ACE: variants seen among roughly 807,000 people sequenced by gnomAD.
The protein encoded by ACE is angiotensin I converting enzyme, also known as angiotensin-converting enzyme.
ACE carries 122 observed loss-of-function variants against 162.3 expected under a neutral mutation model. The ratio of observed to expected loss-of-function variants is 0.75; its 90% CI spans 0.65 to 0.87. ACE has a LOEUF of 0.87. Ranked by LOEUF, ACE falls within the 40% of genes least tolerant of loss-of-function variation. The pLI, the probability that ACE is intolerant of heterozygous loss-of-function variation, is 0.00. For missense variants in ACE, 1,799 were observed against 1,735.1 expected, an observed-to-expected ratio of 1.04 and a Z score of -0.65; for synonymous variants, 796 against 720.6, an observed-to-expected ratio of 1.10 and a Z score of -1.68.
At position 63,491,445 on chromosome 17, in the gene ACE, A is replaced by G; in HGVS notation, c.2912+64A>G. On this transcript the variant is annotated intron_variant, in intron 19 of 24. Transcript: ENST00000290866. This position sits in a 1 kb window ranked among gnomAD's most constrained non-coding sequence, Gnocchi z 4.4. ...CACGGGCAAGGGAAATGAACCAAGC[A>G]AAGGGTCCACTACTGTCCCCCAGCT... 6.2e-7 allele frequency: 1 copy of G among 1,604,024 alleles called. No homozygotes were observed. The highest frequency in any genetic ancestry group is 2.2e-5 in the East Asian group (1 of 44,822).
chr17:63,496,628 A>G, intron 23 of ACE, 112 bp downstream of exon 23: 1 of 1,598,910 alleles, frequency 6.3e-7, no homozygotes, highest in Non-Finnish European at 8.5e-7. Flanking sequence ...TGAGCCGGGA[A>G]CTCCCACCTG....
chr17:63,483,611 C>A, intron 10 of ACE, 53 bp downstream of exon 10: 1 of 1,381,790 alleles, frequency 7.2e-7, no homozygotes, highest in Non-Finnish European at 1.0e-6. Flanking sequence ...CCTCAATCCA[C>A]TTCTCCTCCT....
chr17:63,484,684 C>T lies in ACE; in HGVS notation c.1921+143C>T. On this transcript the variant is annotated intron_variant, in intron 12 of 24. Transcript: ENST00000290866. The surrounding 1 kb of genome is among the most constrained non-coding windows in gnomAD (Gnocchi z 4.0). Reference sequence around the variant, plus strand: ...GGGCCAGGCAGCCCCCCAAGCTCATCAGCAGGGCCTGCGAGTGGGGACAGG... The same window carrying T: ...GGGCCAGGCAGCCCCCCAAGCTCATTAGCAGGGCCTGCGAGTGGGGACAGG... 6.9e-7 allele frequency: 1 copy of T among 1,447,812 alleles called. No individual in the cohort carries two copies. 89.7% of individuals were successfully genotyped at this position (1,447,812 alleles called of 1,614,324 possible).
Position 63,497,935 on chromosome 17 carries a change from TC to T in ACE, c.*571del, listed in dbSNP as rs752699268. ...CACTGGCAGTGGAGCCTTTCCCTGC[TC>T]CACAAATGGCCAGGTCCCCCCAGGG... On this transcript the variant is annotated 3_prime_UTR_variant, in exon 25 of 25. Coordinates refer to ENST00000290866, the MANE Select transcript of ACE (RefSeq NM_000789.4). 12 of 208,940 alleles carry T rather than the reference TC, an allele frequency of 5.7e-5. No homozygotes were observed. Among genetic ancestry groups the T allele is most frequent in the Non-Finnish European group, 9.8e-5 (10 of 102,284 alleles). 12.9% of individuals were successfully genotyped at this position (208,940 alleles called of 1,614,324 possible).
intron 5 of ACE, among the ~76,000 whole-genome samples, 183 bp downstream of exon 5, chr17:63,480,711 C>T (rs1488848841): frequency 6.6e-6 from 1 of 152,204 alleles, no homozygotes; most frequent in Non-Finnish European, 1.5e-5. Flanking sequence ...GGTGGGGACC[C>T]TGAGGCTTAG....
chr17:63,481,062 C>G (rs1246470385), intron 5 of ACE, 29 bp from the exon 6 acceptor site: 1 of 1,607,592 alleles, frequency 6.2e-7, no homozygotes, highest in South Asian at 1.1e-5. Flanking sequence ...AGGCAGGGAG[C>G]CAAGCTGTCC....
At chr17:63,493,824 C>A (rs2030548722) in intron 20 of ACE, 98 bp from the exon 21 acceptor site, 1 of 1,586,070 alleles carries the variant, frequency 6.3e-7, no homozygotes, top group Admixed American at 1.7e-5. Context: ...TCACAGGGCC[C>A]AAAAGGTACA....
At chr17:63,490,072 GTC>G in intron 17 of ACE, 1 of 152,662 alleles carries the variant, frequency 6.6e-6, no homozygotes, top group Non-Finnish European at 1.5e-5. Context: ...TGCGCTCTCT[GTC>G]TCTCTCTCTG....
At position 63,483,052 on chromosome 17, in the gene ACE, A is replaced by G; in HGVS notation, c.1366A>G (p.Lys456Glu). Residue 456 changes from lysine to glutamate, a missense_variant, in exon 9 of 25, where the codon AAA becomes GAA. By Grantham distance (56) the Lys-to-Glu change is moderately conservative. Coordinates refer to ENST00000290866, the MANE Select transcript of ACE (RefSeq NM_000789.4). Reference sequence around the variant, plus strand: ...AGAAAGTGACATCAATTACTTGCTAAAAATGGCACTGGAAAAAATTGCCTT... The same window carrying G: ...AGAAAGTGACATCAATTACTTGCTAGAAATGGCACTGGAAAAAATTGCCTT... ...DTESDINYLL[K>E]MALEKIAFLP... is the part of the protein sequence containing the mutation. The G allele has an allele frequency of 6.2e-7, 1 of 1,614,190 alleles. No individual in the cohort carries two copies. Among genetic ancestry groups the G allele is most frequent in the South Asian group, 1.1e-5 (1 of 91,090 alleles).
At position 63,489,009 on chromosome 17, in the gene ACE, C is replaced by T. The variant is rs3730036; in HGVS notation, c.2518C>T (p.Arg840Trp). The change falls in exon 17 of 25, where the codon CGG becomes TGG. Residue 840 changes from arginine (R) to tryptophan (W), a missense_variant. Coordinates refer to ENST00000290866, the MANE Select transcript of ACE (RefSeq NM_000789.4). Reference sequence around the variant, plus strand: ...ACCATCCCTGGAGCAAGACCTGGAGCGGCTCTTCCAGGAGCTGCAGCCACT... The same window carrying T: ...ACCATCCCTGGAGCAAGACCTGGAGTGGCTCTTCCAGGAGCTGCAGCCACT... Reference protein sequence around the residue: ...ETPSLEQDLERLFQELQPLYL... With the variant: ...ETPSLEQDLEWLFQELQPLYL... 1.9e-5 allele frequency: 30 copies of T among 1,614,040 alleles called. No individual in the cohort carries two copies. The highest frequency in any genetic ancestry group is 5.5e-5 in the South Asian group (5 of 91,088).
rs1190471425 is a variant in ACE, at chr17:63,483,865, G to A, written c.1603G>A (p.Val535Ile). The A allele has an allele frequency of 2.5e-6, 4 of 1,613,998 alleles. No individual in the cohort carries two copies. The Admixed American group carries it at 5.0e-5, about 20-fold the overall frequency. ...TPYIRYFVSF[V>I]LQFQFHEALC... ...TGCCTGCAGGTACTTTGTGAGTTTT[G>A]TCCTGCAGTTCCAGTTCCATGAAGC... Residue 535 changes from valine (V) to isoleucine (I), a missense_variant, in exon 11 of 25, where the codon GTC (valine) becomes ATC (isoleucine). By Grantham distance (29) the Val-to-Ile change is conservative. Coordinates refer to ENST00000290866, the MANE Select transcript of ACE (RefSeq NM_000789.4).
intron 22 of ACE, chr17:63,496,051 T>C (rs2147575751): frequency 2.7e-6 from 1 of 376,308 alleles, no homozygotes; most frequent in Non-Finnish European, 5.1e-6. Context: ...TGCCTCTACT[T>C]GCATATACCC....
chr17:63,480,326 C>A lies in ACE; in HGVS notation c.656-11C>A, dbSNP rs746079552. 6.2e-7 allele frequency: 1 copy of A among 1,613,580 alleles called. No homozygotes were observed. The stretch of plus-strand genomic sequence containing the variant: ...TGGCCTGAGCTACATACCTCACCCC[C>A]ACGCCCCCAGGCTTCACAGACACGG... On this transcript the variant is annotated splice_polypyrimidine_tract_variant and intron_variant, in intron 4 of 24. Coordinates refer to ENST00000290866, the MANE Select transcript of ACE (RefSeq NM_000789.4).
In ACE at chr17:63,478,802, A is replaced by G. The variant is rs547318440; in HGVS notation, c.418-205A>G. 7.9e-6 allele frequency: 5 copies of G among 629,878 alleles called. No individual in the cohort carries two copies. The East Asian group carries it at 8.5e-5, about 11-fold the overall frequency. 39.0% of individuals were successfully genotyped at this position (629,878 alleles called of 1,614,324 possible). A position where few individuals can be genotyped will look rare whatever the true frequency, so the allele number is the denominator to read the frequency against. On this transcript the variant is annotated intron_variant, in intron 2 of 24. Coordinates refer to ENST00000290866, the MANE Select transcript of ACE (RefSeq NM_000789.4). ...CTGACTTTCAGGACTCCTGTCCCCC[A>G]CTCCACAGGCTGCCTCCACTGGCAG... is the stretch of plus-strand genomic sequence containing the variant.
At chr17:63,490,672 T>TCACA (rs1197477946) in intron 17 of ACE, 1 of 476,624 alleles carries the variant, frequency 2.1e-6, no homozygotes, top group East Asian at 4.1e-5. Context: ...ATGTCAGCAG[T>TCACA]TGCTAGTCAC....
Position 63,486,549 on chromosome 17 carries a change from G to C in ACE, c.2059-8G>C. ...GGGCCCTGTGACACCATCCCCCTGT[G>C]CCCTCAGCTGCAGAAGAACATGCAA... is the stretch of plus-strand genomic sequence containing the variant. On this transcript the variant is annotated splice_polypyrimidine_tract_variant and splice_region_variant and intron_variant, in intron 13 of 24. Coordinates refer to ENST00000290866, the MANE Select transcript of ACE (RefSeq NM_000789.4). 1.9e-6 allele frequency: 3 copies of C among 1,614,020 alleles called. No individual in the cohort carries two copies. Among genetic ancestry groups the C allele is most frequent in the Non-Finnish European group, 2.5e-6 (3 of 1,179,938 alleles).
rs1277047671 is a variant in ACE, at chr17:63,477,067, G to T, written c.-28G>T. 7.9e-5 allele frequency: 101 copies of T among 1,273,150 alleles called. No individual in the cohort carries two copies. Among genetic ancestry groups the T allele is most frequent in the Non-Finnish European group, 9.2e-5 (93 of 1,015,778 alleles). 78.9% of individuals were successfully genotyped at this position (1,273,150 alleles called of 1,614,324 possible). A position where few individuals can be genotyped will look rare whatever the true frequency, so the allele number is the denominator to read the frequency against. ...AGGGCGGCCGCGGCGCAGGAGAAGG[G>T]GCAGAGCCGAGCACCGCGCACCGCG... On this transcript the variant is annotated 5_prime_UTR_variant, in exon 1 of 25. Coordinates refer to ENST00000290866, the MANE Select transcript of ACE (RefSeq NM_000789.4).
At position 63,494,457 on chromosome 17, in the gene ACE, G is replaced by A. The variant is rs373319603; in HGVS notation, c.3367G>A (p.Val1123Met). 23 of 1,613,782 alleles carry A rather than the reference G, an allele frequency of 1.4e-5. No homozygotes were observed. The highest frequency in any genetic ancestry group is 1.6e-4 in the Middle Eastern group (1 of 6,084). ...PGAKFHIPSSVPYIRYFVSFI... is the reference protein window; with the variant it reads ...PGAKFHIPSSMPYIRYFVSFI... The stretch of plus-strand genomic sequence containing the variant: ...GGCCAAGTTCCACATTCCTTCTAGC[G>A]TGCCTTACATCAGGTAACGGGAAAG... The change falls in exon 22 of 25, where the codon GTG becomes ATG. Residue 1123 changes from valine to methionine, a missense_variant. Val to Met is a conservative substitution (Grantham distance 21). Coordinates refer to ENST00000290866, the MANE Select transcript of ACE (RefSeq NM_000789.4).
chr17:63,486,419 C>A, intron 13 of ACE, 138 bp from the exon 14 acceptor site: 1 of 923,492 alleles, frequency 1.1e-6, no homozygotes, highest in Non-Finnish European at 1.7e-6. Context: ...TGCAGAGAGT[C>A]TTATAGGCAA....
Sources: allele counts gnomAD v4.1 joint callset (sites outside exome capture counted in the v4.1 genomes callset), GRCh38; gene constraint gnomAD v4.1.1; non-coding constraint Gnocchi (gnomAD v3.1); transcripts MANE v1.5; gene names NCBI Gene and HGNC (gene_info 2026-07-23, HGNC 2026-07-21).